Variants in LRRC37A2 observed in about 807,000 individuals in gnomAD.
LRRC37A2 encodes leucine-rich repeat-containing protein 37A2.
In LRRC37A2, 9 loss-of-function variants were observed where a neutral mutation model predicts 68.8. The ratio of observed to expected loss-of-function variants is 0.13; its 90% CI spans 0.08 to 0.23. LRRC37A2 has a LOEUF of 0.23. LRRC37A2 is among the 10% of genes least tolerant of loss of function. The probability of loss-of-function intolerance (pLI) is 1.00; values close to 1 mark genes in which losing one functional copy is unlikely to be tolerated. For missense variants in LRRC37A2, 168 were observed against 950.4 expected (o/e 0.18, Z 10.82); for synonymous variants, 63 against 367.6 (o/e 0.17, Z 9.48).
At chr17:46,755,161 G>C in the LRRC37A2 span, among the ~76,000 whole-genome samples, 16 of 152,232 alleles carry the variant, frequency 1.1e-4, no homozygotes, top group African/African-American at 7.2e-5. Flanking sequence ...GCTTTGTTTT[G>C]TGTGAGAATG....
the LRRC37A2 span, among the ~76,000 whole-genome samples, chr17:46,729,865 T>A: frequency 2.0e-5 from 3 of 152,196 alleles, no homozygotes; most frequent in Non-Finnish European, 4.4e-5. Flanking sequence ...GAGTTTTTTT[T>A]TAACTTCTAA....
chr17:46,709,151 G>T, the LRRC37A2 span, among the ~76,000 whole-genome samples: 3 of 151,992 alleles, frequency 2.0e-5, no homozygotes, highest in African/African-American at 7.3e-5. Context: ...ATAATTATTT[G>T]TTCCAAGTAT....
chr17:46,900,194 T>TACAC, the LRRC37A2 span, among the ~76,000 whole-genome samples: 12 of 101,758 alleles, frequency 1.2e-4, no homozygotes, highest in African/African-American at 5.9e-4. Context: ...TATATATATA[T>TACAC]ATATATATAC....
At chr17:46,920,011 CTAT>C in the LRRC37A2 span, among the ~76,000 whole-genome samples, 1 of 152,076 alleles carries the variant, frequency 6.6e-6, no homozygotes, top group African/African-American at 2.4e-5. Flanking sequence ...TCTTCGACTA[CTAT>C]TATTGCCCCA....
At chr17:46,751,861 C>G in the LRRC37A2 span, among the ~76,000 whole-genome samples, 1 of 152,202 alleles carries the variant, frequency 6.6e-6, no homozygotes, top group African/African-American at 2.4e-5. Context: ...TAGGGAGCCA[C>G]TAGGTCTTAG....
the LRRC37A2 span, among the ~76,000 whole-genome samples, chr17:47,048,103 G>T: frequency 6.9e-6 from 1 of 144,770 alleles, no homozygotes; most frequent in Non-Finnish European, 1.5e-5. Context: ...GAAGTGGGCA[G>T]AAAAGCTTTG....
chr17:46,896,458 A>AAGAAAGAG, the LRRC37A2 span, among the ~76,000 whole-genome samples: 2 of 141,294 alleles, frequency 1.4e-5, no homozygotes, highest in African/African-American at 5.7e-5. Context: ...AAGAAAAAGA[A>AAGAAAGAG]AGAAAGAAAG....
At chr17:46,894,368 C>T in the LRRC37A2 span, among the ~76,000 whole-genome samples, 1 of 152,202 alleles carries the variant, frequency 6.6e-6, no homozygotes, top group East Asian at 1.9e-4. Flanking sequence ...TCAGCCTACC[C>T]GACCTTGGGT....
the LRRC37A2 span, among the ~76,000 whole-genome samples, chr17:46,493,679 A>G: frequency 6.7e-6 from 1 of 149,358 alleles, no homozygotes; most frequent in African/African-American, 2.6e-5. Flanking sequence ...CTGGGACTAC[A>G]GGCACCCGCC....
At chr17:46,884,064 C>T in the LRRC37A2 span, among the ~76,000 whole-genome samples, 1 of 152,082 alleles carries the variant, frequency 6.6e-6, no homozygotes, top group East Asian at 1.9e-4. Flanking sequence ...CACGGGAGAA[C>T]CTGACCCAGC....
the LRRC37A2 span, among the ~76,000 whole-genome samples, chr17:46,787,153 T>C: frequency 6.6e-6 from 1 of 152,022 alleles, no homozygotes; most frequent in Non-Finnish European, 1.5e-5. Flanking sequence ...TTGCCCAGGC[T>C]GGGTTTCGAA....
chr17:47,030,126 T>C, the LRRC37A2 span, among the ~76,000 whole-genome samples: 1 of 127,876 alleles, frequency 7.8e-6, no homozygotes, highest in African/African-American at 3.2e-5. Context: ...ATCATCATCA[T>C]CATCATCATC....
chr17:46,965,997 A>G, the LRRC37A2 span, among the ~76,000 whole-genome samples: 2 of 151,542 alleles, frequency 1.3e-5, no homozygotes, highest in African/African-American at 2.4e-5. Context: ...TTAGCCCACC[A>G]TCTTGACCTA....
At chr17:46,990,011 C>G in the LRRC37A2 span, among the ~76,000 whole-genome samples, 1 of 152,070 alleles carries the variant, frequency 6.6e-6, no homozygotes, top group Non-Finnish European at 1.5e-5. Flanking sequence ...GGTTGTTACA[C>G]CATAAGGAAT....
the LRRC37A2 span, among the ~76,000 whole-genome samples, chr17:46,953,617 C>G: frequency 6.6e-6 from 1 of 152,184 alleles, no homozygotes; most frequent in Non-Finnish European, 1.5e-5. Flanking sequence ...CCTGAGGAAT[C>G]GCCACACTGA....
the LRRC37A2 span, chr17:46,931,182 C>G: frequency 6.3e-7 from 1 of 1,596,014 alleles, no homozygotes; most frequent in Non-Finnish European, 8.6e-7. Flanking sequence ...CAAGGAGCCC[C>G]CTAACAAAAG....
At chr17:46,942,848 A>G in the LRRC37A2 span, among the ~76,000 whole-genome samples, 1 of 152,152 alleles carries the variant, frequency 6.6e-6, no homozygotes, top group East Asian at 1.9e-4. Flanking sequence ...GGCACATGGG[A>G]GAGGAGTGTT....
At chr17:46,756,563 G>T in the LRRC37A2 span, 3 of 152,486 alleles carry the variant, frequency 2.0e-5, no homozygotes, top group African/African-American at 7.2e-5. Context: ...ACATGTGAAA[G>T]ATAGGTATGG....
chr17:46,773,995 G>A, the LRRC37A2 span: 1 of 1,538,746 alleles, frequency 6.5e-7, no homozygotes, highest in South Asian at 1.2e-5. Flanking sequence ...GAACCCTCCG[G>A]GGTAGGTGGA....
Sources: allele counts gnomAD v4.1 joint callset (sites outside exome capture counted in the v4.1 genomes callset), GRCh38; gene constraint gnomAD v4.1.1; transcripts MANE v1.5; gene names NCBI Gene and HGNC (gene_info 2026-07-23, HGNC 2026-07-21).